The following TNFRSF19 variants were observed in gnomAD, a reference collection of about 807,000 sequenced individuals.
TNFRSF19 encodes the protein TNF receptor superfamily member 19, also known as tumor necrosis factor receptor superfamily member 19.
A neutral mutation model predicts 46.4 loss-of-function variants in TNFRSF19; 27 were observed. The observed-to-expected ratio is 0.58, with a 90% CI of 0.43 to 0.80. The LOEUF (loss-of-function observed/expected upper bound fraction) is 0.80, where lower values mean the gene tolerates loss of function less well. Among genes scored for constraint, TNFRSF19 ranks in the 30% least tolerant of loss-of-function variants. TNFRSF19 has a pLI of 0.00. For synonymous variants in TNFRSF19, 204 were observed against 205.0 expected (o/e 1.00, Z 0.04); for missense variants, 511 against 530.8 (o/e 0.96, Z 0.37).
At chr13:23,572,037 A>G (rs1397801094) in intron 1 of TNFRSF19, among the ~76,000 whole-genome samples, 2 of 152,142 alleles carry the variant, frequency 1.3e-5, no homozygotes, top group Non-Finnish European at 2.9e-5. Context: ...AATGAGTCTC[A>G]TTTCATAAGT....
At chr13:23,611,875 A>G (rs1363939208) in intron 3 of TNFRSF19, among the ~76,000 whole-genome samples, 1 of 152,176 alleles carries the variant, frequency 6.6e-6, no homozygotes, top group African/African-American at 2.4e-5. Context: ...AGCTCTATCC[A>G]TGCAAGGGAA....
chr13:23,619,373 G>T (rs1384028256), intron 4 of TNFRSF19, among the ~76,000 whole-genome samples: 1 of 152,146 alleles, frequency 6.6e-6, no homozygotes, highest in Admixed American at 6.5e-5. Context: ...GGCTGGGGTT[G>T]GGGAGAGTTG....
chr13:23,671,028 G>A (rs908994849), intron 9 of TNFRSF19, among the ~76,000 whole-genome samples: 1 of 152,192 alleles, frequency 6.6e-6, no homozygotes, highest in East Asian at 1.9e-4. Context: ...AGGTCATCCC[G>A]GAGCCAACTC....
intron 8 of TNFRSF19, among the ~76,000 whole-genome samples, chr13:23,668,454 C>T (rs1309712137): frequency 6.6e-6 from 1 of 152,178 alleles, no homozygotes; most frequent in Non-Finnish European, 1.5e-5. Flanking sequence ...ATGTTTTAGA[C>T]ATTGGATTAA....
chr13:23,614,724 C>T (rs923612493), intron 3 of TNFRSF19, among the ~76,000 whole-genome samples: 3 of 134,030 alleles, frequency 2.2e-5, no homozygotes, highest in Admixed American at 7.8e-5. Context: ...GTCCTTCAGC[C>T]GCTTCCTGTG....
rs1879824951 is a variant in TNFRSF19, at chr13:23,597,582, T to C, written c.180+4127T>C. ...AATCCCTGAATAGACCAATAACAAG[T>C]TCTGAAATTGAGGCAATAATTAATA... On this transcript the variant is annotated intron_variant, in intron 3 of 9. Coordinates refer to ENST00000248484, the MANE Select transcript of TNFRSF19 (RefSeq NM_148957.4). Among the ~76,000 whole-genome samples the C allele has an allele frequency of 2.7e-5, 4 of 150,494 alleles. No homozygotes were observed. In the South Asian group the frequency reaches 8.5e-4, roughly 32 times the overall value.
intron 1 of TNFRSF19, among the ~76,000 whole-genome samples, chr13:23,574,924 T>C (rs577302583): frequency 1.4e-4 from 21 of 152,384 alleles, no homozygotes; most frequent in African/African-American, 5.0e-4. Context: ...TGACTTAAAT[T>C]TTCTCTTTGA....
At position 23,623,531 on chromosome 13, in the gene TNFRSF19, T is replaced by C. The variant is rs113929006; in HGVS notation, c.360-3176T>C. 9.5e-4 allele frequency among the ~76,000 whole-genome samples: 144 copies of C among 152,314 alleles called. 2 individuals are homozygous for C. Among genetic ancestry groups the C allele is most frequent in the Non-Finnish European group, 1.2e-3 (81 of 68,030 alleles). ...TATTTTGAGGAACCTACGTGCTGTTTTCCATAGCGGCTGCACCATTTTATT... is the reference window on the plus strand; with the variant it reads ...TATTTTGAGGAACCTACGTGCTGTTCTCCATAGCGGCTGCACCATTTTATT... On this transcript the variant is annotated intron_variant, in intron 4 of 9. Transcript: ENST00000248484.
intron 1 of TNFRSF19, among the ~76,000 whole-genome samples, chr13:23,583,414 T>G (rs572812832): frequency 3.9e-5 from 6 of 152,382 alleles, no homozygotes; most frequent in African/African-American, 1.4e-4. Context: ...TAGTGAGTTC[T>G]TGGTATTTTA....
chr13:23,641,596 G>T (rs1336417818), intron 5 of TNFRSF19, among the ~76,000 whole-genome samples: 1 of 152,200 alleles, frequency 6.6e-6, no homozygotes, highest in Admixed American at 6.5e-5. Context: ...CTCCCAAAGT[G>T]CTGGGATTAC....
At chr13:23,634,753 C>T (rs532246643) in intron 5 of TNFRSF19, among the ~76,000 whole-genome samples, 38 of 152,260 alleles carry the variant, frequency 2.5e-4, no homozygotes, top group African/African-American at 9.1e-4. Flanking sequence ...GGAGCATTCA[C>T]CCTCTTGAGG....
At position 23,655,489 on chromosome 13, in the gene TNFRSF19, C is replaced by T. The variant is rs1486925326; in HGVS notation, c.446-3561C>T. Among the ~76,000 whole-genome samples, 3 of 152,276 alleles carry T rather than the reference C, an allele frequency of 2.0e-5. No homozygotes were observed. In the East Asian group the frequency reaches 5.8e-4, roughly 29 times the overall value. On this transcript the variant is annotated intron_variant, in intron 5 of 9. Coordinates refer to ENST00000248484, the MANE Select transcript of TNFRSF19 (RefSeq NM_148957.4). ...ATTTCCACTTCTTCAGAAGTACTTT[C>T]GGAATCCTAATAAGATACGGGCAGA...
intron 5 of TNFRSF19, among the ~76,000 whole-genome samples, chr13:23,653,036 A>C (rs989480771): frequency 6.6e-6 from 1 of 152,226 alleles, no homozygotes; most frequent in East Asian, 1.9e-4. Flanking sequence ...CGTATTTAGC[A>C]GTTCAGCCTG....
intron 5 of TNFRSF19, among the ~76,000 whole-genome samples, chr13:23,638,648 G>A (rs1204652238): frequency 6.6e-6 from 1 of 152,166 alleles, no homozygotes; most frequent in Non-Finnish European, 1.5e-5. Context: ...AGCTGCGGTG[G>A]CCGTCAGCCC....
intron 4 of TNFRSF19, among the ~76,000 whole-genome samples, chr13:23,622,469 A>G (rs1881730227): frequency 6.6e-6 from 1 of 152,196 alleles, no homozygotes; most frequent in Non-Finnish European, 1.5e-5. Context: ...CATTCAAAAC[A>G]TGACAACCTT....
intron 3 of TNFRSF19, among the ~76,000 whole-genome samples, chr13:23,596,569 C>T (rs1879743574): frequency 6.6e-6 from 1 of 152,140 alleles, no homozygotes; most frequent in African/African-American, 2.4e-5. Context: ...AATATTTATG[C>T]ACCCAATACA....
rs1210242995 is a variant in TNFRSF19 at position 23,668,052 on chromosome 13, G to C, written c.809G>C (p.Gly270Ala). 5 of 1,609,022 alleles carry C rather than the reference G, an allele frequency of 3.1e-6. No individual in the cohort carries two copies. Among genetic ancestry groups the C allele is most frequent in the Non-Finnish European group, 4.2e-6 (5 of 1,178,020 alleles). The change falls in exon 8 of 10, where the codon GGG (glycine) becomes GCG (alanine). Residue 270 changes from glycine (G) to alanine (A), a missense_variant. Physicochemically the swap from Gly to Ala is moderately conservative, Grantham distance 60. Around this residue, in one of 3 missense-constraint regions of TNFRSF19, gnomAD observed 376 missense variants for 372.7 expected, o/e 1.01. Transcript: ENST00000248484. ...CCCAACCCGGCGACTCTTGGTTGTG[G>C]GGTGCATTCTGCAGCCAGTCTTCAG... is the stretch of plus-strand genomic sequence containing the variant. ...CSPNPATLGC[G>A]VHSAASLQAR...
intron 5 of TNFRSF19, among the ~76,000 whole-genome samples, chr13:23,640,199 A>G (rs970189234): frequency 1.3e-5 from 2 of 152,100 alleles, no homozygotes; most frequent in Non-Finnish European, 2.9e-5. Context: ...ATGGAAAATA[A>G]TGGTCTTGAT....
At chr13:23,630,545 G>T (rs1882293837) in intron 5 of TNFRSF19, among the ~76,000 whole-genome samples, 2 of 152,102 alleles carry the variant, frequency 1.3e-5, no homozygotes, top group Admixed American at 1.3e-4. Context: ...GTGTGATACT[G>T]ACTGGCTGGG....
Sources: allele counts gnomAD v4.1 joint callset (sites outside exome capture counted in the v4.1 genomes callset), GRCh38; gene constraint gnomAD v4.1.1; regional missense constraint gnomAD v4.1.1; transcripts MANE v1.5; gene names NCBI Gene and HGNC (gene_info 2026-07-23, HGNC 2026-07-21).